CRPPA: variants seen among roughly 807,000 people sequenced by gnomAD.
CRPPA encodes the protein CDP-L-ribitol pyrophosphorylase A.
A neutral mutation model predicts 52.0 loss-of-function variants in CRPPA; 43 were observed. The observed-to-expected ratio is 0.83, with a 90% CI of 0.65 to 1.07. The LOEUF (loss-of-function observed/expected upper bound fraction) is 1.07, where lower values mean the gene tolerates loss of function less well. Among genes scored for constraint, CRPPA ranks in the 50% least tolerant of loss-of-function variants. The pLI, the probability that CRPPA is intolerant of heterozygous loss-of-function variation, is 0.00. For synonymous variants in CRPPA, 250 were observed against 203.5 expected, an observed-to-expected ratio of 1.23 and a Z score of -1.94; for missense variants, 629 against 551.7, an observed-to-expected ratio of 1.14 and a Z score of -1.40.
intron 9 of CRPPA, among the ~76,000 whole-genome samples, chr7:16,125,080 T>C (rs1187621991): frequency 6.6e-6 from 1 of 151,118 alleles, no homozygotes; most frequent in Admixed American, 6.6e-5. Context: ...GCCAACATAG[T>C]GAACCCCCAT....
intron 8 of CRPPA, among the ~76,000 whole-genome samples, chr7:16,254,160 C>G (rs1783545144): frequency 6.6e-6 from 1 of 152,104 alleles, no homozygotes; most frequent in Non-Finnish European, 1.5e-5. Flanking sequence ...CTAGTTCAAC[C>G]ATTGTGGAAG....
chr7:16,342,775 A>AT (rs1785891507), intron 3 of CRPPA, among the ~76,000 whole-genome samples: 6 of 39,800 alleles, frequency 1.5e-4, no homozygotes, highest in African/African-American at 4.0e-4. Context: ...AAAAAAAAAA[A>AT]AAAAAAAATA....
intron 9 of CRPPA, among the ~76,000 whole-genome samples, chr7:16,192,820 C>G (rs550008404): frequency 7.8e-4 from 119 of 152,190 alleles, no homozygotes; most frequent in African/African-American, 2.8e-3. Flanking sequence ...GCTGAAATGA[C>G]TTTCCTTTTC....
chr7:16,152,025 T>C (rs376358053), intron 9 of CRPPA, among the ~76,000 whole-genome samples: 1 of 151,960 alleles, frequency 6.6e-6, no homozygotes, highest in Non-Finnish European at 1.5e-5. Context: ...CTGAAGAAAC[T>C]CAGAATGGCA....
chr7:16,275,612 G>T (rs903581368), intron 6 of CRPPA, among the ~76,000 whole-genome samples: 1 of 151,968 alleles, frequency 6.6e-6, no homozygotes, highest in Admixed American at 6.6e-5. Context: ...AGGATCACTT[G>T]AGGCCAGGAG....
At chr7:16,101,516 T>A (rs970008748) in intron 9 of CRPPA, among the ~76,000 whole-genome samples, 2 of 152,174 alleles carry the variant, frequency 1.3e-5, no homozygotes, top group African/African-American at 4.8e-5. Context: ...CATTTTTTTA[T>A]TGCATCTATA....
chr7:16,378,724 C>A (rs1187577356), intron 2 of CRPPA, among the ~76,000 whole-genome samples: 1 of 150,744 alleles, frequency 6.6e-6, no homozygotes, highest in Admixed American at 6.6e-5. Context: ...TACAGTCCCA[C>A]CAACAGTGTA....
rs184867148 is a variant in CRPPA at position 16,266,694 on chromosome 7, G to T, written c.934-7682C>A. Among the ~76,000 whole-genome samples, 3 of 152,094 alleles carry T rather than the reference G, an allele frequency of 2.0e-5. No homozygotes were observed. The East Asian group carries it at 5.8e-4, about 29-fold the overall frequency. ...GACTTTCACCATATTGGCCAGGCTG[G>T]TCTCGAACCTCTGACCTTAGGTGAT... On this transcript the variant is annotated intron_variant, in intron 6 of 9. Transcript: ENST00000407010.
intron 3 of CRPPA, among the ~76,000 whole-genome samples, chr7:16,326,797 C>T (rs1785402732): frequency 6.6e-6 from 1 of 152,186 alleles, no homozygotes; most frequent in East Asian, 1.9e-4. Context: ...TCTTCATCAT[C>T]CAAATGTATA....
At position 16,117,189 on chromosome 7, in the gene CRPPA, T is replaced by C. The variant is rs1344219501; in HGVS notation, c.1252-25390A>G. ...CATGCTTTCAGTATTCCTTTTGTTG[T>C]ATCTTCCATGTGAATCGGTTGTTTC... On this transcript the variant is annotated intron_variant, in intron 9 of 9. Coordinates refer to ENST00000407010, the MANE Select transcript of CRPPA (RefSeq NM_001101426.4). 2.0e-5 allele frequency among the ~76,000 whole-genome samples: 3 copies of C among 152,328 alleles called. No homozygotes were observed. In the East Asian group the frequency reaches 5.8e-4, roughly 29 times the overall value.
chr7:16,390,057 G>C (rs114685716), intron 2 of CRPPA, among the ~76,000 whole-genome samples: 11 of 149,526 alleles, frequency 7.4e-5, no homozygotes, highest in African/African-American at 2.7e-4. Context: ...AGTAAATTTA[G>C]TGAAGAAGTT....
chr7:16,352,891 A>G (rs1583541790), intron 3 of CRPPA, among the ~76,000 whole-genome samples: 1 of 42,696 alleles, frequency 2.3e-5, no homozygotes, highest in Middle Eastern at 0.012. Context: ...ACACACACAC[A>G]CACACACACA....
At chr7:16,308,768 A>G in intron 3 of CRPPA, 141 bp from the exon 4 acceptor site, 2 of 615,176 alleles carry the variant, frequency 3.3e-6, no homozygotes, top group Non-Finnish European at 5.8e-6. Context: ...ACTGAGTTAT[A>G]ACATCCCCAT....
In CRPPA at chr7:16,256,770, G is replaced by A. The variant is rs1295157; in HGVS notation, c.1119+1620C>T. Among the ~76,000 whole-genome samples the A allele has an allele frequency of 4.4e-3, 673 of 152,202 alleles. 3 individuals are homozygous for A. Among genetic ancestry groups the A allele is most frequent in the African/African-American group, 0.015 (615 of 41,530 alleles). Reference sequence around the variant, plus strand: ...ACACACTGGGGCTTGTTGGGGAGTGGGGGGCTGGGAGAGGGATAGCATTAG... The same window carrying A: ...ACACACTGGGGCTTGTTGGGGAGTGAGGGGCTGGGAGAGGGATAGCATTAG... On this transcript the variant is annotated intron_variant, in intron 8 of 9. Transcript: ENST00000407010.
intron 3 of CRPPA, among the ~76,000 whole-genome samples, chr7:16,370,091 C>A (rs1282955598): frequency 6.6e-6 from 1 of 152,192 alleles, no homozygotes; most frequent in Non-Finnish European, 1.5e-5. Context: ...CAAGGGAAGC[C>A]ATTCCTGACT....
At chr7:16,253,090 G>C (rs572986471) in intron 8 of CRPPA, among the ~76,000 whole-genome samples, 3 of 152,090 alleles carry the variant, frequency 2.0e-5, no homozygotes, top group South Asian at 4.1e-4. Context: ...AGGGATTTTT[G>C]TGTCTCTATC....
intron 9 of CRPPA, among the ~76,000 whole-genome samples, chr7:16,196,810 C>T (rs1781746339): frequency 6.6e-6 from 1 of 152,020 alleles, no homozygotes; most frequent in Non-Finnish European, 1.5e-5. Context: ...TTCATTTTTC[C>T]CTAAATAACC....
chr7:16,315,303 T>C (rs1202960168), intron 3 of CRPPA, among the ~76,000 whole-genome samples: 2 of 152,192 alleles, frequency 1.3e-5, no homozygotes, highest in African/African-American at 4.8e-5. Flanking sequence ...CCTTGTCATA[T>C]TAATCATAGT....
intron 9 of CRPPA, among the ~76,000 whole-genome samples, chr7:16,206,354 A>G (rs1527220): frequency 0.34 from 51,764 of 151,934 alleles, 9,393 homozygotes; most frequent in Admixed American, 0.42. Flanking sequence ...TATGAACAAA[A>G]TTAAACTTCC....
Sources: allele counts gnomAD v4.1 joint callset (sites outside exome capture counted in the v4.1 genomes callset), GRCh38; gene constraint gnomAD v4.1.1; transcripts MANE v1.5; gene names NCBI Gene and HGNC (gene_info 2026-07-23, HGNC 2026-07-21).